The following BCL9 variants were observed in gnomAD, a reference collection of about 807,000 sequenced individuals.
BCL9 encodes B-cell CLL/lymphoma 9 protein.
BCL9 carries 25 observed loss-of-function variants against 88.5 expected under a neutral mutation model. The observed-to-expected ratio is 0.28, with a 90% CI of 0.21 to 0.39. BCL9 has a LOEUF of 0.39. Ranked by LOEUF, BCL9 falls within the 10% of genes least tolerant of loss-of-function variation. The probability of loss-of-function intolerance (pLI) is 1.00; values close to 1 mark genes in which losing one functional copy is unlikely to be tolerated. For synonymous variants in BCL9, 711 were observed against 673.3 expected, an observed-to-expected ratio of 1.06 and a Z score of -0.87; for missense variants, 1,817 against 1,877.8, an observed-to-expected ratio of 0.97 and a Z score of 0.60.
intron 1 of BCL9, among the ~76,000 whole-genome samples, chr1:147,542,200 C>T (rs185443838): frequency 3.0e-4 from 46 of 152,134 alleles, no homozygotes; most frequent in African/African-American, 1.1e-3. Flanking sequence ...TGGCGTGCCT[C>T]GCTGTGAAGG....
At chr1:147,567,946 T>TTGAAAG (rs1191153587) in intron 1 of BCL9, among the ~76,000 whole-genome samples, 1 of 152,206 alleles carries the variant, frequency 6.6e-6, no homozygotes, top group African/African-American at 2.4e-5. Flanking sequence ...CAATCACACC[T>TTGAAAG]TGAAAGTGTG....
At chr1:147,572,103 G>A (rs147225327) in intron 1 of BCL9, among the ~76,000 whole-genome samples, 1,887 of 151,704 alleles carry the variant, frequency 0.012, 44 homozygotes, top group African/African-American at 0.044. Flanking sequence ...TTAGCTGGAC[G>A]TGGTGGCGGG....
Position 147,619,979 on chromosome 1 carries a change from C to G in BCL9, c.1824C>G (p.Gly608=), listed in dbSNP as rs950048595. The change falls in exon 8 of 10, where the codon GGC becomes GGG. Residue 608 remains glycine, a synonymous_variant. Transcript: ENST00000234739. This position sits in a 1 kb window ranked among gnomAD's most constrained non-coding sequence, Gnocchi z 4.1. ...KIPDGRNFPP[G]QGIFSGPGRG... ...CAGATGGTCGAAATTTTCCTCCTGG[C>G]CAGGGCATTTTCAGCGGTCCTGGCC... is the stretch of plus-strand genomic sequence containing the variant. 4 of 1,613,942 alleles carry G rather than the reference C, an allele frequency of 2.5e-6. No individual in the cohort carries two copies. The highest frequency in any genetic ancestry group is 3.4e-6 in the Non-Finnish European group (4 of 1,179,912).
In BCL9 at chr1:147,620,795, G is replaced by A. The variant is rs202024690; in HGVS notation, c.2640G>A (p.Ser880=). The A allele has an allele frequency of 1.5e-5, 25 of 1,614,088 alleles. No individual in the cohort carries two copies. The highest frequency in any genetic ancestry group is 3.3e-4 in the Middle Eastern group (2 of 6,062). Residue 880 remains serine, a synonymous_variant, in exon 8 of 10, where the codon TCG becomes TCA. Transcript: ENST00000234739. ...QVQSPMLGSP[S]GNLKSPQTPS... is the part of the protein sequence containing the mutation. ...AGTCACCAATGCTGGGCTCGCCCTC[G>A]GGGAACCTCAAGTCCCCCCAGACTC...
intron 7 of BCL9, among the ~76,000 whole-genome samples, chr1:147,617,084 T>C (rs1658319820): frequency 6.6e-6 from 1 of 152,238 alleles, no homozygotes; most frequent in Admixed American, 6.5e-5. Context: ...TAGGCCTTCC[T>C]AAACTTAGAA....
intron 1 of BCL9, among the ~76,000 whole-genome samples, chr1:147,589,185 C>G (rs932563058): frequency 1.3e-5 from 2 of 152,156 alleles, no homozygotes; most frequent in Admixed American, 6.5e-5. Context: ...TGAGCTCATT[C>G]ATTTTCCTGG....
At chr1:147,611,963 G>A (rs1570903649) in intron 4 of BCL9, 74 bp downstream of exon 4, 7 of 1,432,186 alleles carry the variant, frequency 4.9e-6, no homozygotes, top group South Asian at 3.5e-5. Context: ...ACTCATTGGT[G>A]AAACAGTATG....
intron 1 of BCL9, among the ~76,000 whole-genome samples, chr1:147,551,488 C>A (rs1187194964): frequency 3.9e-5 from 6 of 152,186 alleles, no homozygotes; most frequent in Non-Finnish European, 8.8e-5. Flanking sequence ...GGATAGGGTA[C>A]TGTTACGGTT....
At chr1:147,598,688 C>A (rs1657163121) in intron 1 of BCL9, among the ~76,000 whole-genome samples, 1 of 152,224 alleles carries the variant, frequency 6.6e-6, no homozygotes, top group Non-Finnish European at 1.5e-5. Context: ...GCAGTACACT[C>A]TAACATGGGC....
intron 3 of BCL9, among the ~76,000 whole-genome samples, chr1:147,609,155 A>T (rs956696351): frequency 1.3e-5 from 2 of 152,180 alleles, no homozygotes; most frequent in African/African-American, 2.4e-5. Context: ...TGGGGGAAAA[A>T]AATCTCTCTG....
At chr1:147,575,598 G>A (rs1221726616) in intron 1 of BCL9, among the ~76,000 whole-genome samples, 1 of 152,004 alleles carries the variant, frequency 6.6e-6, no homozygotes, top group Non-Finnish European at 1.5e-5. Flanking sequence ...AAGTTTCTAG[G>A]TAGCAAAACT....
intron 1 of BCL9, among the ~76,000 whole-genome samples, chr1:147,543,225 C>T (rs192647570): frequency 6.6e-6 from 1 of 152,334 alleles, no homozygotes; most frequent in African/African-American, 2.4e-5. Context: ...AGTTGTAGCT[C>T]TCTCTGAATT....
At chr1:147,563,069 TC>T (rs1183478340) in intron 1 of BCL9, among the ~76,000 whole-genome samples, 2 of 152,038 alleles carry the variant, frequency 1.3e-5, no homozygotes, top group Non-Finnish European at 2.9e-5. Context: ...GAACACTGTG[TC>T]CCCAGATCTT....
In BCL9 at chr1:147,611,770, T is replaced by C. The variant is rs1367695202; in HGVS notation, c.-67T>C. On this transcript the variant is annotated 5_prime_UTR_variant, in exon 4 of 10. Coordinates refer to ENST00000234739, the MANE Select transcript of BCL9 (RefSeq NM_004326.4). ...TGCCACTGCCCCCAGCAGCTGTTTC[T>C]GCTGCAACCCGAGAGGAACTCGGTG... 1 of 1,524,832 alleles carries C rather than the reference T, an allele frequency of 6.6e-7. No homozygotes were observed. Among genetic ancestry groups the C allele is most frequent in the Admixed American group, 1.7e-5 (1 of 59,782 alleles). 94.5% of individuals were successfully genotyped at this position (1,524,832 alleles called of 1,614,324 possible).
intron 6 of BCL9, among the ~76,000 whole-genome samples, chr1:147,615,576 CTT>C (rs1238845768): frequency 6.6e-6 from 1 of 152,146 alleles, no homozygotes; most frequent in African/African-American, 2.4e-5. Context: ...TTTAATGCCT[CTT>C]TTGGGATTTG....
chr1:147,597,595 C>T (rs1657112793), intron 1 of BCL9, among the ~76,000 whole-genome samples: 1 of 152,120 alleles, frequency 6.6e-6, no homozygotes, highest in Non-Finnish European at 1.5e-5. Flanking sequence ...AATCCTTATA[C>T]ACCAAAATAG....
chr1:147,613,076 A>T lies in BCL9; in HGVS notation c.247A>T (p.Met83Leu). 2 of 1,613,942 alleles carry T rather than the reference A, an allele frequency of 1.2e-6. No individual in the cohort carries two copies. The highest frequency in any genetic ancestry group is 1.7e-6 in the Non-Finnish European group (2 of 1,179,866). The change falls in exon 5 of 10, where the codon ATG (methionine) becomes TTG (leucine). Residue 83 changes from methionine to leucine, a missense_variant. Physicochemically the swap from Met to Leu is conservative, Grantham distance 15. Around this residue, in one of 2 missense-constraint regions of BCL9, gnomAD observed 1,228 missense variants for 1,191.6 expected, o/e 1.03. Coordinates refer to ENST00000234739, the MANE Select transcript of BCL9 (RefSeq NM_004326.4). ...PKALPGPGGS[M>L]GLKNGAGNGA... The stretch of plus-strand genomic sequence containing the variant: ...AGCACTCCCTGGCCCAGGTGGGAGC[A>T]TGGGGCTGAAGAATGGGGCTGGAAA...
intron 1 of BCL9, among the ~76,000 whole-genome samples, chr1:147,568,569 G>A (rs924688151): frequency 2.6e-5 from 4 of 151,968 alleles, no homozygotes; most frequent in Non-Finnish European, 5.9e-5. Context: ...ACCTACCGAG[G>A]GGGATTTTTT....
At chr1:147,617,286 CA>C (rs1553203995) in intron 7 of BCL9, among the ~76,000 whole-genome samples, 1 of 152,120 alleles carries the variant, frequency 6.6e-6, no homozygotes, top group Non-Finnish European at 1.5e-5. Flanking sequence ...GTACTAAAAT[CA>C]GGAAAGGAGT....
Sources: allele counts gnomAD v4.1 joint callset (sites outside exome capture counted in the v4.1 genomes callset), GRCh38; gene constraint gnomAD v4.1.1; regional missense constraint gnomAD v4.1.1; non-coding constraint Gnocchi (gnomAD v3.1); transcripts MANE v1.5; gene names NCBI Gene and HGNC (gene_info 2026-07-23, HGNC 2026-07-21).